UTRN: variants seen among roughly 807,000 people sequenced by gnomAD.
UTRN encodes utrophin.
In UTRN, 283 loss-of-function variants were observed where a neutral mutation model predicts 463.9. The ratio of observed to expected loss-of-function variants is 0.61; its 90% CI spans 0.55 to 0.67. The LOEUF (loss-of-function observed/expected upper bound fraction) is 0.67, where lower values mean the gene tolerates loss of function less well. Among genes scored for constraint, UTRN ranks in the 30% least tolerant of loss-of-function variants. The pLI is 0.00. For missense variants in UTRN, 3,922 were observed against 4,084.3 expected (o/e 0.96, Z 1.08); for synonymous variants, 1,442 against 1,431.5 (o/e 1.01, Z -0.17).
intron 45 of UTRN, among the ~76,000 whole-genome samples, chr6:144,540,745 CAAAG>C (rs949363694): frequency 2.6e-5 from 4 of 152,074 alleles, no homozygotes; most frequent in African/African-American, 9.7e-5. Flanking sequence ...CAAAAAGAAA[CAAAG>C]AAAACCCCCA....
intron 50 of UTRN, among the ~76,000 whole-genome samples, chr6:144,576,275 G>A (rs1801425345): frequency 6.6e-6 from 1 of 152,148 alleles, no homozygotes; most frequent in Admixed American, 6.5e-5. Context: ...ATACCTAGGA[G>A]TGAAATTATC....
At chr6:144,572,290 A>G (rs1050721721) in intron 50 of UTRN, among the ~76,000 whole-genome samples, 41 of 151,930 alleles carry the variant, frequency 2.7e-4, no homozygotes, top group African/African-American at 9.9e-4. Context: ...CTTGATTTGC[A>G]AACTGAGTTC....
rs117399354 is a variant in UTRN at position 144,768,349 on chromosome 6, G to A, written c.8496-3558G>A. 9.6e-3 allele frequency among the ~76,000 whole-genome samples: 1,454 copies of A among 152,202 alleles called. 24 individuals are homozygous for A. Among genetic ancestry groups the A allele is most frequent in the South Asian group, 0.045 (218 of 4,818 alleles). On this transcript the variant is annotated intron_variant, in intron 58 of 74. Coordinates refer to ENST00000367545, the MANE Select transcript of UTRN (RefSeq NM_007124.3). ...AATGCAGAGATTATATGTTATCCCA[G>A]CTGGGGCTCTTCAGAGTAAGGGGGC...
chr6:144,795,513 C>T (rs1227387539), intron 63 of UTRN, among the ~76,000 whole-genome samples: 2 of 152,232 alleles, frequency 1.3e-5, no homozygotes, highest in Admixed American at 1.3e-4. Flanking sequence ...TCCTATTTCT[C>T]CACATCCTCT....
intron 37 of UTRN, among the ~76,000 whole-genome samples, chr6:144,515,078 T>C (rs374057650): frequency 6.6e-6 from 1 of 152,046 alleles, no homozygotes; most frequent in East Asian, 1.9e-4. Flanking sequence ...ATTTTTGTGT[T>C]TTTTTTAGGA....
At chr6:144,787,964 T>C (rs910016632) in intron 61 of UTRN, among the ~76,000 whole-genome samples, 5 of 152,252 alleles carry the variant, frequency 3.3e-5, no homozygotes, top group African/African-American at 1.2e-4. Flanking sequence ...GCAAGGATAA[T>C]ATCTTATTAA....
intron 2 of UTRN, among the ~76,000 whole-genome samples, chr6:144,333,500 G>A (rs954025589): frequency 1.3e-5 from 2 of 152,142 alleles, no homozygotes; most frequent in African/African-American, 4.8e-5. Context: ...CACTTATCTT[G>A]TAAATTCTCT....
At chr6:144,359,995 G>C (rs1778904045) in intron 2 of UTRN, among the ~76,000 whole-genome samples, 1 of 150,898 alleles carries the variant, frequency 6.6e-6, no homozygotes, top group Admixed American at 6.6e-5. Context: ...GATTGCCTCT[G>C]GTTTCAGTAC....
intron 51 of UTRN, among the ~76,000 whole-genome samples, chr6:144,669,609 T>TG (rs926633401): frequency 4.6e-5 from 7 of 152,138 alleles, no homozygotes; most frequent in Non-Finnish European, 1.0e-4. Context: ...GCAGTAGTTT[T>TG]GGGGGGAACA....
At chr6:144,668,506 G>A (rs1322333911) in intron 51 of UTRN, among the ~76,000 whole-genome samples, 1 of 152,188 alleles carries the variant, frequency 6.6e-6, no homozygotes, top group Non-Finnish European at 1.5e-5. Flanking sequence ...ATAACAAAAT[G>A]CCATAGACTG....
At chr6:144,461,113 T>A (rs1789362244) in intron 21 of UTRN, 84 bp from the exon 22 acceptor site, 1 of 1,184,218 alleles carries the variant, frequency 8.4e-7, no homozygotes, top group Admixed American at 2.8e-5. Flanking sequence ...TGCCATGTAT[T>A]GGAATTCATT....
At chr6:144,787,586 A>G (rs781376190) in intron 61 of UTRN, among the ~76,000 whole-genome samples, 19 of 152,310 alleles carry the variant, frequency 1.2e-4, no homozygotes, top group Non-Finnish European at 2.1e-4. Context: ...TGCATACTTT[A>G]TATGTCATAA....
chr6:144,569,653 T>C (rs1378292988), intron 50 of UTRN, among the ~76,000 whole-genome samples: 2 of 152,188 alleles, frequency 1.3e-5, no homozygotes, highest in Non-Finnish European at 2.9e-5. Flanking sequence ...TCCTATTGGG[T>C]GCACTGATGA....
chr6:144,812,177 T>G (rs1778675686), intron 65 of UTRN, among the ~76,000 whole-genome samples: 1 of 151,614 alleles, frequency 6.6e-6, no homozygotes, highest in South Asian at 2.1e-4. Context: ...GTTCTTTATC[T>G]TGTTTTGTTT....
At chr6:144,710,533 T>G (rs369139552) in intron 53 of UTRN, among the ~76,000 whole-genome samples, 52 of 150,820 alleles carry the variant, frequency 3.4e-4, no homozygotes, top group African/African-American at 1.2e-3. Flanking sequence ...CTTAATTAAA[T>G]GTGCGTACTT....
chr6:144,646,857 A>G (rs1265722997), intron 51 of UTRN, among the ~76,000 whole-genome samples: 2 of 152,178 alleles, frequency 1.3e-5, no homozygotes, highest in African/African-American at 4.8e-5. Flanking sequence ...CCTGTTCCTA[A>G]TATTCTTATG....
chr6:144,788,599 C>G (rs902253468), intron 61 of UTRN, among the ~76,000 whole-genome samples: 1 of 146,938 alleles, frequency 6.8e-6, no homozygotes, highest in Non-Finnish European at 1.5e-5. Flanking sequence ...GAGTCTCGCT[C>G]TGTCACCCAG....
intron 2 of UTRN, among the ~76,000 whole-genome samples, chr6:144,321,281 T>C (rs1775620493): frequency 6.6e-6 from 1 of 152,170 alleles, no homozygotes; most frequent in African/African-American, 2.4e-5. Flanking sequence ...TACATACATA[T>C]ATGTGCATGT....
chr6:144,578,713 T>C (rs145766082), intron 51 of UTRN, among the ~76,000 whole-genome samples: 43 of 152,350 alleles, frequency 2.8e-4, no homozygotes, highest in Non-Finnish European at 5.6e-4. Context: ...ATATTATCTG[T>C]ATTGTTGCCT....
Sources: gnomAD v4.1 joint callset for allele counts (sites outside exome capture counted in the v4.1 genomes callset) on GRCh38, gnomAD v4.1.1 for gene constraint, MANE v1.5 for transcripts, NCBI Gene and HGNC (gene_info 2026-07-23, HGNC 2026-07-21) for gene names.